The following HEPHL1 variants were observed in gnomAD, a reference collection of about 807,000 sequenced individuals.
The protein encoded by HEPHL1 is hephaestin like 1, also known as ferroxidase HEPHL1.
Under a neutral mutation model 122.0 loss-of-function variants are expected in HEPHL1, and 123 were observed. That is an observed-to-expected ratio of 1.01 (90% CI 0.87 to 1.17). The LOEUF (loss-of-function observed/expected upper bound fraction) is 1.17. Ranked by LOEUF, HEPHL1 falls within the 50% of genes most tolerant of loss-of-function variation. HEPHL1 has a pLI of 0.00. For synonymous variants in HEPHL1, 527 were observed against 508.9 expected (o/e 1.04, Z -0.48); for missense variants, 1,452 against 1,430.5 (o/e 1.01, Z -0.24).
intron 9 of HEPHL1, among the ~76,000 whole-genome samples, chr11:94,076,917 T>C (rs1333390956): frequency 6.6e-6 from 1 of 152,154 alleles, no homozygotes; most frequent in Admixed American, 6.6e-5. Flanking sequence ...AACTCCCTAC[T>C]CCCATTCTGT....
intron 10 of HEPHL1, among the ~76,000 whole-genome samples, chr11:94,084,336 T>TTAAA (rs5793669): frequency 0.21 from 31,364 of 146,012 alleles, 3,453 homozygotes; most frequent in East Asian, 0.27. Context: ...CTCTCTCTGT[T>TTAAA]TAAATAAATA....
At chr11:94,062,534 G>T (rs1341168284) in intron 2 of HEPHL1, among the ~76,000 whole-genome samples, 1 of 152,100 alleles carries the variant, frequency 6.6e-6, no homozygotes, top group African/African-American at 2.4e-5. Context: ...TTGGTAGCAT[G>T]TGTTCAATAT....
intron 1 of HEPHL1, among the ~76,000 whole-genome samples, chr11:94,045,350 C>A (rs1043637231): frequency 6.6e-6 from 1 of 152,204 alleles, no homozygotes; most frequent in Admixed American, 6.5e-5. Context: ...AGTAAATGTG[C>A]AATGAGTGTT....
chr11:94,103,273 C>CA (rs755716566), intron 15 of HEPHL1, among the ~76,000 whole-genome samples: 894 of 44,002 alleles, frequency 0.02, 1 homozygote, highest in East Asian at 0.051. Context: ...TTTTTTTTCC[C>CA]AAAAAAAAAA....
intron 14 of HEPHL1, among the ~76,000 whole-genome samples, chr11:94,102,076 A>G (rs1225441174): frequency 6.6e-6 from 1 of 152,192 alleles, no homozygotes; most frequent in African/African-American, 2.4e-5. Flanking sequence ...ATGTCTGTAT[A>G]GGAAAACACA....
At chr11:94,051,069 C>T (rs1945886401) in intron 2 of HEPHL1, among the ~76,000 whole-genome samples, 1 of 152,106 alleles carries the variant, frequency 6.6e-6, no homozygotes, top group African/African-American at 2.4e-5. Context: ...CAGTTTGCTT[C>T]CAAACCTTGG....
chr11:94,067,897 G>GC (rs1946047266), intron 5 of HEPHL1, 147 bp downstream of exon 5: 5 of 662,664 alleles, frequency 7.5e-6, no homozygotes, highest in Non-Finnish European at 1.3e-5. Flanking sequence ...AAAATATAAC[G>GC]CTCATCTCTT....
chr11:94,021,621 CT>C, intron 1 of HEPHL1, 83 bp downstream of exon 1: 1 of 1,098,104 alleles, frequency 9.1e-7, no homozygotes, highest in Non-Finnish European at 1.3e-6. Flanking sequence ...TTCTTGGGTA[CT>C]TACAATGGGG....
At chr11:94,031,737 C>A (rs1041833535) in intron 1 of HEPHL1, among the ~76,000 whole-genome samples, 2 of 152,218 alleles carry the variant, frequency 1.3e-5, no homozygotes, top group Admixed American at 1.3e-4. Context: ...GGGGTCTAAA[C>A]CCATGGGTTC....
At position 94,093,613 on chromosome 11, in the gene HEPHL1, C is replaced by A; in HGVS notation, c.2407C>A (p.Pro803Thr). 6.2e-7 allele frequency: 1 copy of A among 1,613,620 alleles called. No individual in the cohort carries two copies. Among genetic ancestry groups the A allele is most frequent in the Non-Finnish European group, 8.5e-7 (1 of 1,179,802 alleles). ...GEFVEIKARP[P>T]REEHLELLGP... ...ATTTGTGGAGATCAAAGCCCGACCA[C>A]CACGAGAGGAGCACTTAGAACTCCT... Residue 803 changes from proline (P) to threonine (T), a missense_variant, in exon 13 of 20, where the codon CCA becomes ACA. Physicochemically the swap from Pro to Thr is conservative, Grantham distance 38. Transcript: ENST00000315765.
intron 8 of HEPHL1, among the ~76,000 whole-genome samples, chr11:94,074,616 C>T (rs1013038754): frequency 4.6e-5 from 7 of 152,000 alleles, no homozygotes; most frequent in Admixed American, 2.0e-4. Flanking sequence ...TTTGGCAGTA[C>T]GGTGTAAGGG....
Position 94,082,540 on chromosome 11 carries a change from A to C in HEPHL1, c.1839A>C (p.Lys613Asn). 6.2e-7 allele frequency: 1 copy of C among 1,612,172 alleles called. No individual in the cohort carries two copies. Among genetic ancestry groups the C allele is most frequent in the Non-Finnish European group, 8.5e-7 (1 of 1,179,372 alleles). The change falls in exon 10 of 20, where the codon AAA (lysine) becomes AAC (asparagine). Residue 613 changes from lysine to asparagine, a missense_variant. Transcript: ENST00000315765. ...WHPFSIDKED[K>N]EFVKSNRMHA... ...CCTTCAGCATTGACAAAGAAGATAAAGAGTTTGTGAAATCCAACCGAATGC... is the reference window on the plus strand; with the variant it reads ...CCTTCAGCATTGACAAAGAAGATAACGAGTTTGTGAAATCCAACCGAATGC...
chr11:94,051,957 G>A (rs1945893729), intron 2 of HEPHL1, among the ~76,000 whole-genome samples: 1 of 152,000 alleles, frequency 6.6e-6, no homozygotes, highest in Admixed American at 6.5e-5. Flanking sequence ...GTAGATGTAT[G>A]GATTTATTTC....
chr11:94,076,343 G>T (rs1368756535), intron 9 of HEPHL1, among the ~76,000 whole-genome samples: 3 of 152,190 alleles, frequency 2.0e-5, no homozygotes, highest in African/African-American at 2.4e-5. Context: ...AATACACCTA[G>T]TAAGTAGTGA....
intron 9 of HEPHL1, 60 bp from the exon 10 acceptor site, chr11:94,082,358 C>G: frequency 7.7e-7 from 1 of 1,299,302 alleles, no homozygotes; most frequent in Non-Finnish European, 1.1e-6. Flanking sequence ...TGAAGGAAAG[C>G]AATTCTGTGA....
At chr11:94,077,590 C>T (rs1192213511) in intron 9 of HEPHL1, among the ~76,000 whole-genome samples, 2 of 152,184 alleles carry the variant, frequency 1.3e-5, no homozygotes, top group African/African-American at 4.8e-5. Context: ...TATAGTCACC[C>T]TCCCCATGAT....
At chr11:94,068,155 G>C (rs1003000267) in intron 5 of HEPHL1, among the ~76,000 whole-genome samples, 1 of 152,160 alleles carries the variant, frequency 6.6e-6, no homozygotes, top group Admixed American at 6.5e-5. Context: ...AATATGAGTA[G>C]GAACTGAATA....
rs76094602 is a variant in HEPHL1 at position 94,069,883 on chromosome 11, C to G, written c.1064-491C>G. On this transcript the variant is annotated intron_variant, in intron 5 of 19. Coordinates refer to ENST00000315765, the MANE Select transcript of HEPHL1 (RefSeq NM_001098672.2). Reference sequence around the variant, plus strand: ...CTATGGACATACATTGCCACATTCTCTTTTGGAAATTGTTATTCTTCTACA... The same window carrying G: ...CTATGGACATACATTGCCACATTCTGTTTTGGAAATTGTTATTCTTCTACA... Among the ~76,000 whole-genome samples, 1,391 of 152,190 alleles carry G rather than the reference C, an allele frequency of 9.1e-3. 21 individuals carry two copies. Among genetic ancestry groups the G allele is most frequent in the African/African-American group, 0.032 (1,336 of 41,546 alleles).
At chr11:94,051,994 C>T (rs1219775966) in intron 2 of HEPHL1, among the ~76,000 whole-genome samples, 4 of 152,150 alleles carry the variant, frequency 2.6e-5, no homozygotes, top group Non-Finnish European at 2.9e-5. Context: ...TTCCATTTGT[C>T]TGTGTGTCTG....
Sources: allele counts gnomAD v4.1 joint callset (sites outside exome capture counted in the v4.1 genomes callset), GRCh38; gene constraint gnomAD v4.1.1; transcripts MANE v1.5; gene names NCBI Gene and HGNC (gene_info 2026-07-23, HGNC 2026-07-21).